The following NEO1 variants were observed in gnomAD, a reference collection of about 807,000 sequenced individuals.
NEO1 encodes the protein neogenin.
Under a neutral mutation model 159.7 loss-of-function variants are expected in NEO1, and 63 were observed. That is an observed-to-expected ratio of 0.39 (90% confidence interval 0.32 to 0.49). The LOEUF (loss-of-function observed/expected upper bound fraction) is 0.49. NEO1 is among the 20% of genes least tolerant of loss of function. The probability of loss-of-function intolerance (pLI) is 0.85; values close to 1 mark genes in which losing one functional copy is unlikely to be tolerated. For synonymous variants in NEO1, 633 were observed against 662.0 expected (o/e 0.96, Z 0.67); for missense variants, 1,615 against 1,831.0 (o/e 0.88, Z 2.15).
At chr15:73,078,009 C>T (rs6416502) in intron 1 of NEO1, among the ~76,000 whole-genome samples, 83,915 of 151,990 alleles carry the variant, frequency 0.55, 23,619 homozygotes, top group Middle Eastern at 0.62. Context: ...AGCAAACATC[C>T]AGAAGTGGGA....
At chr15:73,083,866 A>G (rs1037463555) in intron 1 of NEO1, among the ~76,000 whole-genome samples, 10 of 152,094 alleles carry the variant, frequency 6.6e-5, no homozygotes, top group Admixed American at 1.3e-4. Context: ...AATCCTCCCA[A>G]CAAGTATTCA....
intron 1 of NEO1, among the ~76,000 whole-genome samples, chr15:73,071,596 C>T (rs146357062): frequency 2.0e-5 from 3 of 152,078 alleles, no homozygotes; most frequent in Admixed American, 1.3e-4. Context: ...GCTGCCATCA[C>T]AGCTTACTGC....
chr15:73,288,149 C>CTTGTTG (rs150219014), intron 23 of NEO1, among the ~76,000 whole-genome samples, 164 bp from the exon 24 acceptor site: 40 of 151,728 alleles, frequency 2.6e-4, no homozygotes, highest in Non-Finnish European at 4.9e-4. Flanking sequence ...CAGGAGCAAA[C>CTTGTTG]TTGTTGTTGT....
intron 8 of NEO1, among the ~76,000 whole-genome samples, chr15:73,238,185 C>T (rs1046075610): frequency 1.3e-5 from 2 of 151,266 alleles, no homozygotes; most frequent in Admixed American, 1.3e-4. Flanking sequence ...AATTGTTAAA[C>T]ATTCACCAGA....
At chr15:73,102,805 A>G (rs2070475044) in intron 1 of NEO1, among the ~76,000 whole-genome samples, 1 of 152,120 alleles carries the variant, frequency 6.6e-6, no homozygotes, top group African/African-American at 2.4e-5. Flanking sequence ...CAGTTTCAAC[A>G]TGTATTCTTC....
intron 7 of NEO1, among the ~76,000 whole-genome samples, chr15:73,215,791 C>T (rs1420089327): frequency 6.6e-6 from 1 of 152,118 alleles, no homozygotes; most frequent in African/African-American, 2.4e-5. Context: ...CTGATGCTGG[C>T]TTCATAGAAT....
At chr15:73,093,901 G>A (rs1339306574) in intron 1 of NEO1, among the ~76,000 whole-genome samples, 3 of 151,954 alleles carry the variant, frequency 2.0e-5, no homozygotes, top group East Asian at 3.9e-4. Flanking sequence ...ATTTGGCCCC[G>A]GTGTCTCATT....
chr15:73,140,586 G>C (rs1307189321), intron 5 of NEO1, among the ~76,000 whole-genome samples: 1 of 152,026 alleles, frequency 6.6e-6, no homozygotes, highest in Admixed American at 6.6e-5. Flanking sequence ...ACTGTACACA[G>C]AAATACCCTA....
chr15:73,272,703 G>T, intron 19 of NEO1, 141 bp downstream of exon 19: 1 of 650,104 alleles, frequency 1.5e-6, no homozygotes, highest in East Asian at 2.8e-5. Context: ...AGTCATGATG[G>T]TCCTTGAAAT....
intron 16 of NEO1, 58 bp from the exon 17 acceptor site, chr15:73,269,952 A>G: frequency 7.3e-7 from 1 of 1,363,872 alleles, no homozygotes; most frequent in Non-Finnish European, 1.0e-6. Context: ...TTTCCCTTTT[A>G]TTTTATTTTT....
intron 7 of NEO1, among the ~76,000 whole-genome samples, chr15:73,225,175 T>G (rs955326617): frequency 2.0e-5 from 3 of 152,162 alleles, no homozygotes; most frequent in Non-Finnish European, 4.4e-5. Flanking sequence ...GTTTCTCAGC[T>G]GCGGATACCA....
At chr15:73,294,866 A>G (rs1484776119) in intron 26 of NEO1, among the ~76,000 whole-genome samples, 1 of 152,026 alleles carries the variant, frequency 6.6e-6, no homozygotes. Context: ...TTCATCAATC[A>G]TAAACATACC....
intron 7 of NEO1, among the ~76,000 whole-genome samples, chr15:73,196,148 C>CT (rs1284392004): frequency 6.6e-6 from 1 of 152,146 alleles, no homozygotes; most frequent in African/African-American, 2.4e-5. Flanking sequence ...AGAAGGCTAT[C>CT]TTTTTTCTGG....
intron 1 of NEO1, among the ~76,000 whole-genome samples, chr15:73,091,398 C>T (rs1363073578): frequency 2.0e-5 from 3 of 151,526 alleles, no homozygotes; most frequent in African/African-American, 7.3e-5. Flanking sequence ...TTTTTCCAAT[C>T]GGGTTTCATT....
At chr15:73,298,007 A>G (rs1272397075) in intron 26 of NEO1, among the ~76,000 whole-genome samples, 1 of 152,240 alleles carries the variant, frequency 6.6e-6, no homozygotes, top group African/African-American at 2.4e-5. Context: ...CCAGTGAGTG[A>G]AGTTTTTAAT....
At chr15:73,108,563 A>G (rs1017767931) in intron 1 of NEO1, among the ~76,000 whole-genome samples, 1 of 148,484 alleles carries the variant, frequency 6.7e-6, no homozygotes, top group Non-Finnish European at 1.5e-5. Flanking sequence ...ACAACAAACA[A>G]AAACCAAGGT....
Position 73,254,847 on chromosome 15 carries a change from A to G in NEO1, c.2092+18A>G. On this transcript the variant is annotated intron_variant, in intron 13 of 28. Coordinates refer to ENST00000261908, the MANE Select transcript of NEO1 (RefSeq NM_002499.4). ...GATTGAAGGTAAGCTACCGTGCACA[A>G]AGGCAAAAGGTACACTGTGTCTTTC... is the stretch of plus-strand genomic sequence containing the variant. 1 of 1,608,104 alleles carries G rather than the reference A, an allele frequency of 6.2e-7. No individual in the cohort carries two copies. Among genetic ancestry groups the G allele is most frequent in the Non-Finnish European group, 8.5e-7 (1 of 1,177,740 alleles).
At chr15:73,103,724 C>T (rs1031290907) in intron 1 of NEO1, among the ~76,000 whole-genome samples, 3 of 152,168 alleles carry the variant, frequency 2.0e-5, no homozygotes, top group African/African-American at 4.8e-5. Context: ...AGGGTTCCTG[C>T]TCTCATTGAG....
chr15:73,300,342 C>G (rs2042562586), intron 27 of NEO1, among the ~76,000 whole-genome samples: 1 of 152,212 alleles, frequency 6.6e-6, no homozygotes. Flanking sequence ...AAAGATGTCT[C>G]AAGAACCAGT....
Sources: allele counts gnomAD v4.1 joint callset (sites outside exome capture counted in the v4.1 genomes callset), GRCh38; gene constraint gnomAD v4.1.1; transcripts MANE v1.5; gene names NCBI Gene and HGNC (gene_info 2026-07-23, HGNC 2026-07-21).